ALAD: variants seen among roughly 807,000 people sequenced by gnomAD.
The protein encoded by ALAD is delta-aminolevulinic acid dehydratase.
ALAD carries 20 observed loss-of-function variants against 44.4 expected under a neutral mutation model. The observed-to-expected ratio is 0.45, with a 90% confidence interval of 0.32 to 0.65. The LOEUF (loss-of-function observed/expected upper bound fraction) is 0.65, where lower values mean the gene tolerates loss of function less well. Among genes scored for constraint, ALAD ranks in the 30% least tolerant of loss-of-function variants. ALAD has a pLI of 0.05. For missense variants in ALAD, 323 were observed against 445.7 expected (o/e 0.72, Z 2.48); for synonymous variants, 156 against 167.9 (o/e 0.93, Z 0.55).
rs1307192411 is a variant in ALAD, at chr9:113,390,299, G to C, written c.570+106C>G. 3.4e-6 allele frequency: 4 copies of C among 1,191,766 alleles called. No homozygotes were observed. The South Asian group carries it at 3.8e-5, about 11-fold the overall frequency. 73.8% of individuals were successfully genotyped at this position (1,191,766 alleles called of 1,614,324 possible). A position where few individuals can be genotyped will look rare whatever the true frequency, so the allele number is the denominator to read the frequency against. On this transcript the variant is annotated intron_variant, in intron 7 of 11. Transcript: ENST00000409155. Reference sequence around the variant, plus strand: ...AGCCTCCCAAAGTGCTGGGACTACAGGTGTGAGCCAACACGCCCGGCAGTT... The same window carrying C: ...AGCCTCCCAAAGTGCTGGGACTACACGTGTGAGCCAACACGCCCGGCAGTT...
intron 4 of ALAD, 126 bp downstream of exon 4, chr9:113,391,401 G>T (rs934068162): frequency 3.7e-6 from 3 of 809,086 alleles, no homozygotes; most frequent in Non-Finnish European, 6.4e-6. Context: ...GATGGGTTTT[G>T]CCATGTTGTC....
Position 113,393,148 on chromosome 9 carries a change from G to A in ALAD, c.113+299C>T, listed in dbSNP as rs8177796. On this transcript the variant is annotated intron_variant, in intron 2 of 11. Coordinates refer to ENST00000409155, the MANE Select transcript of ALAD (RefSeq NM_000031.6). ...GACTGCCATCTCTTACAGGTACATA[G>A]CACTTTACAATGTACAGAGCACCTT... is the stretch of plus-strand genomic sequence containing the variant. 0.074 allele frequency: 31,477 copies of A among 425,936 alleles called. 1,384 individuals carry two copies. Among genetic ancestry groups the A allele is most frequent in the African/African-American group, 0.093 (4,598 of 49,666 alleles). 26.4% of individuals were successfully genotyped at this position (425,936 alleles called of 1,614,324 possible).
Position 113,388,353 on chromosome 9 carries a change from T to C in ALAD, c.940A>G (p.Ile314Val), listed in dbSNP as rs557510313. Residue 314 changes from isoleucine to valine, a missense_variant, in exon 12 of 12, where the codon ATC becomes GTC. Ile to Val is a conservative substitution (Grantham distance 29). Transcript: ENST00000409155. ...TGCGGTGTGTAGTAGGTGATGATGA[T>C]GTCAGCACCTGTGTTGGGAGAGATG... ...MTAFRRAGAD[I>V]IITYYTPQLL... 8.8e-5 allele frequency: 142 copies of C among 1,613,982 alleles called. 1 individual carries two copies. The Admixed American group carries it at 1.5e-3, about 17-fold the overall frequency.
chr9:113,391,317 C>A (rs961781407), intron 4 of ALAD, among the ~76,000 whole-genome samples: 1 of 152,132 alleles, frequency 6.6e-6, no homozygotes, highest in Non-Finnish European at 1.5e-5. Context: ...ATCCTCCCAC[C>A]TCTCCACCTC....
rs1404055889 is a variant in ALAD, at chr9:113,401,016, G to A, written c.-76+196C>T. On this transcript the variant is annotated intron_variant, in intron 1 of 11. Coordinates refer to ENST00000409155, the MANE Select transcript of ALAD (RefSeq NM_000031.6). ...AGAAGAGGTGCGGAGCCCCGAACCC[G>A]GGCCCCCAACCTCGGCTGCAGCGGG... 2.6e-5 allele frequency among the ~76,000 whole-genome samples: 4 copies of A among 152,034 alleles called. No individual in the cohort carries two copies. In the East Asian group the frequency reaches 7.8e-4, roughly 29 times the overall value.
In ALAD at chr9:113,392,153, T is replaced by C. The variant is rs1827604568; in HGVS notation, c.130A>G (p.Ile44Val). ...CCTGGGAGGCTGGTGATAGGCTGTA[T>C]GTCATCAGGAACATCCCTGCAAGAG... is the stretch of plus-strand genomic sequence containing the variant. Reference protein sequence around the residue: ...PIFVTDVPDDIQPITSLPGVA... With the variant: ...PIFVTDVPDDVQPITSLPGVA... Residue 44 changes from isoleucine (I) to valine (V), a missense_variant, in exon 3 of 12, where the codon ATA (isoleucine) becomes GTA (valine). Coordinates refer to ENST00000409155, the MANE Select transcript of ALAD (RefSeq NM_000031.6). 1.2e-6 allele frequency: 2 copies of C among 1,613,928 alleles called. No individual in the cohort carries two copies. The highest frequency in any genetic ancestry group is 2.2e-5 in the East Asian group (1 of 44,876).
rs770886658 is a variant in ALAD at position 113,391,637 on chromosome 9, G to C, written c.165-14C>G. 6 of 1,604,570 alleles carry C rather than the reference G, an allele frequency of 3.7e-6. No individual in the cohort carries two copies. Among genetic ancestry groups the C allele is most frequent in the Non-Finnish European group, 5.1e-6 (6 of 1,171,368 alleles). Reference sequence around the variant, plus strand: ...TTCACACCATACCTGTGTGGGTGTGGGTAGAGGGGTTGAAGGAAGGCAGGT... The same window carrying C: ...TTCACACCATACCTGTGTGGGTGTGCGTAGAGGGGTTGAAGGAAGGCAGGT... On this transcript the variant is annotated splice_polypyrimidine_tract_variant and intron_variant, in intron 3 of 11. Transcript: ENST00000409155.
At chr9:113,392,351 GAAC>G (rs1453033931) in intron 2 of ALAD, 182 bp from the exon 3 acceptor site, 2 of 1,491,924 alleles carry the variant, frequency 1.3e-6, no homozygotes, top group South Asian at 1.3e-5. Context: ...ATAATAATAG[GAAC>G]AACAAGAATA....
At position 113,390,898 on chromosome 9, in the gene ALAD, G is replaced by C; in HGVS notation, c.297C>G (p.Ser99=). The part of the protein sequence containing the change: ...ERGSAADSEE[S]PAIEAIHLLR... The stretch of plus-strand genomic sequence containing the variant: ...ACAGATGGATTGCCTCAATAGCTGG[G>C]GACTCCTCGGAGTCAGCTGCGGAAC... The change falls in exon 5 of 12, where the codon TCC becomes TCG. Residue 99 remains serine, a synonymous_variant. Transcript: ENST00000409155. The C allele has an allele frequency of 6.2e-7, 1 of 1,614,148 alleles. No individual in the cohort carries two copies.
intron 1 of ALAD, among the ~76,000 whole-genome samples, chr9:113,394,696 A>G (rs1340897605): frequency 6.6e-6 from 1 of 152,210 alleles, no homozygotes; most frequent in East Asian, 1.9e-4. Flanking sequence ...TTCATGGCAG[A>G]ACTTTTAGAA....
At chr9:113,392,814 T>TC (rs1827627966) in intron 2 of ALAD, among the ~76,000 whole-genome samples, 5 of 116,884 alleles carry the variant, frequency 4.3e-5, no homozygotes, top group African/African-American at 1.1e-4. Context: ...GATTGCCATC[T>TC]CTTTTTTTTT....
chr9:113,392,511 T>C (rs1827619485), intron 2 of ALAD: 1 of 349,902 alleles, frequency 2.9e-6, no homozygotes, highest in Non-Finnish European at 5.3e-6. Flanking sequence ...AGTTCTATCA[T>C]CTCTTTGAGC....
intron 10 of ALAD, 134 bp from the exon 11 acceptor site, chr9:113,389,240 C>T (rs2118983021): frequency 7.0e-7 from 1 of 1,422,078 alleles, no homozygotes; most frequent in Non-Finnish European, 9.7e-7. Context: ...CAGCCTGGCC[C>T]ACTCTTGAAC....
chr9:113,391,897 C>T (rs1827595634), intron 3 of ALAD, among the ~76,000 whole-genome samples: 1 of 152,194 alleles, frequency 6.6e-6, no homozygotes, highest in East Asian at 1.9e-4. Flanking sequence ...TCTGCAACAG[C>T]CTCTGCCACG....
chr9:113,391,669 C>CAACG, intron 3 of ALAD, 46 bp from the exon 4 acceptor site: 2 of 1,509,194 alleles, frequency 1.3e-6, no homozygotes. Context: ...AGGTCCCAGG[C>CAACG]AACGGTCCTC....
In ALAD at chr9:113,389,785, T is replaced by C. The variant is rs768577018; in HGVS notation, c.614A>G (p.Tyr205Cys). The change falls in exon 8 of 12, where the codon TAT becomes TGT. Residue 205 changes from tyrosine (Y) to cysteine (C), a missense_variant. Physicochemically the swap from Tyr to Cys is radical, Grantham distance 194. Transcript: ENST00000409155. Reference protein sequence around the residue: ...SYSAKFASCFYGPFRDAAKSS... With the variant: ...SYSAKFASCFCGPFRDAAKSS... ...CACCCCTGCTCACCGGAAAGGGCCA[T>C]AGAAACAGGAAGCAAATTTGGCACT... The C allele has an allele frequency of 2.5e-6, 4 of 1,614,208 alleles. No homozygotes were observed. The highest frequency in any genetic ancestry group is 3.4e-6 in the Non-Finnish European group (4 of 1,180,030).
In ALAD at chr9:113,393,452, A is replaced by G; in HGVS notation, c.108T>C (p.Phe36=). The G allele has an allele frequency of 6.3e-7, 1 of 1,588,644 alleles. No homozygotes were observed. Among genetic ancestry groups the G allele is most frequent in the Non-Finnish European group, 8.6e-7 (1 of 1,162,914 alleles). The change falls in exon 2 of 12, where the codon TTT becomes TTC. Residue 36 remains phenylalanine, a synonymous_variant. Coordinates refer to ENST00000409155, the MANE Select transcript of ALAD (RefSeq NM_000031.6). The part of the protein sequence containing the change: ...LNASNLIYPI[F]VTDVPDDIQP... ...GCCCATTCTTGGAGACTCACGTGACAAAGATGGGGTAGATGAGGTTGGAGG... is the reference window on the plus strand; with the variant it reads ...GCCCATTCTTGGAGACTCACGTGACGAAGATGGGGTAGATGAGGTTGGAGG...
intron 10 of ALAD, 98 bp from the exon 11 acceptor site, chr9:113,389,204 C>G: frequency 6.5e-7 from 1 of 1,547,012 alleles, no homozygotes; most frequent in Non-Finnish European, 8.8e-7. Flanking sequence ...CATCTTGAGC[C>G]CCGTGTCCTG....
At chr9:113,397,866 C>T (rs889892103) in intron 1 of ALAD, among the ~76,000 whole-genome samples, 2 of 152,102 alleles carry the variant, frequency 1.3e-5, no homozygotes, top group Admixed American at 6.6e-5. Context: ...TTCAAGTGAT[C>T]CGCCCGCCTC....
Sources: gnomAD v4.1 joint callset for allele counts (sites outside exome capture counted in the v4.1 genomes callset) on GRCh38, gnomAD v4.1.1 for gene constraint, MANE v1.5 for transcripts, NCBI Gene and HGNC (gene_info 2026-07-23, HGNC 2026-07-21) for gene names.